CEP112: variants seen among roughly 807,000 people sequenced by gnomAD.
CEP112 encodes the protein centrosomal protein of 112 kDa.
CEP112 carries 127 observed loss-of-function variants against 153.0 expected under a neutral mutation model. The ratio of observed to expected loss-of-function variants is 0.83; its 90% CI spans 0.72 to 0.96. The LOEUF (loss-of-function observed/expected upper bound fraction) is 0.96, where lower values mean the gene tolerates loss of function less well. Ranked by LOEUF, CEP112 falls within the 40% of genes least tolerant of loss-of-function variation. The pLI is 0.00. For missense variants in CEP112, 1,089 were observed against 1,101.2 expected, an observed-to-expected ratio of 0.99 and a Z score of 0.16; for synonymous variants, 358 against 374.4, an observed-to-expected ratio of 0.96 and a Z score of 0.51.
At chr17:65,655,762 GA>G (rs571097569) in intron 24 of CEP112, among the ~76,000 whole-genome samples, 62 of 147,426 alleles carry the variant, frequency 4.2e-4, no homozygotes, top group Middle Eastern at 3.6e-3. Flanking sequence ...CTGGTAACAG[GA>G]AAAAAAAAAG....
At chr17:66,141,407 C>T (rs201037039) in intron 4 of CEP112, among the ~76,000 whole-genome samples, 3 of 100,728 alleles carry the variant, frequency 3.0e-5, no homozygotes, top group African/African-American at 3.7e-5. Flanking sequence ...TAGTTTTTTT[C>T]TTTTATTGTG....
At chr17:65,951,078 G>A (rs186812089) in intron 18 of CEP112, among the ~76,000 whole-genome samples, 6 of 152,032 alleles carry the variant, frequency 3.9e-5, no homozygotes, top group East Asian at 1.9e-4. Flanking sequence ...GGATTCCTGC[G>A]ACAAATCCCG....
At chr17:66,082,346 A>C (rs2067755472) in intron 8 of CEP112, among the ~76,000 whole-genome samples, 2 of 152,250 alleles carry the variant, frequency 1.3e-5, no homozygotes, top group African/African-American at 4.8e-5. Context: ...AAGCAAGTCC[A>C]AGTATGTTTG....
At chr17:65,905,207 G>C (rs2060024139) in intron 19 of CEP112, among the ~76,000 whole-genome samples, 1 of 152,056 alleles carries the variant, frequency 6.6e-6, no homozygotes, top group African/African-American at 2.4e-5. Context: ...CTATCTATCT[G>C]AGAAAGGGTT....
chr17:65,779,082 C>T (rs1278434018), intron 21 of CEP112, among the ~76,000 whole-genome samples: 1 of 151,870 alleles, frequency 6.6e-6, no homozygotes, highest in Non-Finnish European at 1.5e-5. Flanking sequence ...AAAAATAATT[C>T]AAATATTTAA....
At chr17:66,057,290 G>A (rs1292212118) in intron 11 of CEP112, among the ~76,000 whole-genome samples, 1 of 152,140 alleles carries the variant, frequency 6.6e-6, no homozygotes, top group African/African-American at 2.4e-5. Flanking sequence ...AACAGAACTT[G>A]GCAAGGCATT....
intron 21 of CEP112, among the ~76,000 whole-genome samples, chr17:65,753,366 C>A (rs1197367440): frequency 6.6e-6 from 1 of 152,188 alleles, no homozygotes; most frequent in African/African-American, 2.4e-5. Context: ...TTTGCCTCTT[C>A]TATCGCCTCA....
chr17:65,971,093 T>C (rs1210774387), intron 17 of CEP112, among the ~76,000 whole-genome samples: 1 of 152,236 alleles, frequency 6.6e-6, no homozygotes, highest in Non-Finnish European at 1.5e-5. Flanking sequence ...ACATGTATAT[T>C]ACATGGTACA....
chr17:65,716,691 A>G (rs530852504), intron 23 of CEP112, among the ~76,000 whole-genome samples: 1 of 152,318 alleles, frequency 6.6e-6, no homozygotes, highest in South Asian at 2.1e-4. Flanking sequence ...CAAAGTTTCC[A>G]TCTGGGATAC....
At chr17:66,000,981 G>A (rs2064020048) in intron 17 of CEP112, among the ~76,000 whole-genome samples, 1 of 152,168 alleles carries the variant, frequency 6.6e-6, no homozygotes. Flanking sequence ...TCTCTACAAT[G>A]GCAGCTTTCC....
intron 4 of CEP112, among the ~76,000 whole-genome samples, chr17:66,160,047 AACAG>A (rs1253337842): frequency 6.6e-6 from 1 of 152,180 alleles, no homozygotes; most frequent in Non-Finnish European, 1.5e-5. Context: ...ATACACCAAT[AACAG>A]ACAAACAGAG....
chr17:65,791,814 G>A (rs2054606502), intron 21 of CEP112, among the ~76,000 whole-genome samples: 3 of 152,092 alleles, frequency 2.0e-5, no homozygotes, highest in Non-Finnish European at 1.5e-5. Context: ...ATTTAATTAT[G>A]TGGTTCCCCC....
chr17:65,717,375 G>A (rs2049591254), intron 23 of CEP112, among the ~76,000 whole-genome samples: 1 of 152,174 alleles, frequency 6.6e-6, no homozygotes, highest in Non-Finnish European at 1.5e-5. Flanking sequence ...TCCCAGAAGA[G>A]AGAAGATTCC....
intron 4 of CEP112, among the ~76,000 whole-genome samples, chr17:66,156,692 C>T (rs144501229): frequency 0.034 from 5,172 of 152,128 alleles, 129 homozygotes; most frequent in Middle Eastern, 0.061. Flanking sequence ...ACATAAATGA[C>T]CTGATGGAGC....
At chr17:65,729,286 T>C (rs563784282) in intron 23 of CEP112, among the ~76,000 whole-genome samples, 5 of 152,344 alleles carry the variant, frequency 3.3e-5, no homozygotes, top group South Asian at 4.1e-4. Flanking sequence ...ATTTATTTCA[T>C]TGTAATCTTA....
chr17:66,186,035 T>TCTCTCTCTCTCCCC (rs2072918765), intron 1 of CEP112, among the ~76,000 whole-genome samples: 2 of 151,938 alleles, frequency 1.3e-5, no homozygotes, highest in South Asian at 4.2e-4. Context: ...TCTCTCTCTC[T>TCTCTCTCTCTCCCC]CTCTCTCTCT....
chr17:66,036,472 C>A (rs1319672304), intron 12 of CEP112, among the ~76,000 whole-genome samples: 2 of 152,122 alleles, frequency 1.3e-5, no homozygotes, highest in Non-Finnish European at 2.9e-5. Context: ...GCTTCATGGA[C>A]CACCGACGTA....
intron 12 of CEP112, among the ~76,000 whole-genome samples, chr17:66,038,254 T>C (rs1443294): frequency 0.93 from 141,015 of 152,242 alleles, 65,545 homozygotes; most frequent in East Asian, 0.97. Context: ...AAAGTGGCCT[T>C]TGCATTAAGA....
intron 20 of CEP112, among the ~76,000 whole-genome samples, chr17:65,898,339 G>A (rs2059728086): frequency 1.3e-5 from 2 of 152,112 alleles, no homozygotes; most frequent in East Asian, 3.9e-4. Context: ...GTTTATAAAT[G>A]GAGATTTTTA....
Sources: allele counts gnomAD v4.1 joint callset (sites outside exome capture counted in the v4.1 genomes callset), GRCh38; gene constraint gnomAD v4.1.1; transcripts MANE v1.5; gene names NCBI Gene and HGNC (gene_info 2026-07-23, HGNC 2026-07-21).